Variants in NFXL1 observed in about 807,000 individuals in gnomAD.
NFXL1 encodes nuclear transcription factor, X-box binding like 1, also known as NF-X1-type zinc finger protein NFXL1.
A neutral mutation model predicts 123.3 loss-of-function variants in NFXL1; 66 were observed. The ratio of observed to expected loss-of-function variants is 0.54; its 90% CI spans 0.44 to 0.66. NFXL1 has a LOEUF of 0.66. NFXL1 is among the 30% of genes least tolerant of loss of function. The pLI is 0.00. For missense variants in NFXL1, 944 were observed against 1,125.6 expected (o/e 0.84, Z 2.31); for synonymous variants, 346 against 360.8 (o/e 0.96, Z 0.46).
chr4:47,885,614 A>G lies in NFXL1; in HGVS notation c.1708T>C (p.Cys570Arg). 1.2e-6 allele frequency: 2 copies of G among 1,613,970 alleles called. No homozygotes were observed. Among genetic ancestry groups the G allele is most frequent in the Non-Finnish European group, 1.7e-6 (2 of 1,179,816 alleles). ...CHHTSQEKHR[C>R]HFGSCPPCHQ... ...CATGGTGGACAAGAACCAAAGTGAC[A>G]GCGATGTTTTTCTTGACTTGTATGA... The change falls in exon 14 of 23, where the codon TGT becomes CGT. Residue 570 changes from cysteine (C) to arginine (R), a missense_variant. By Grantham distance (180) the Cys-to-Arg change is radical (BLOSUM62 -3). Coordinates refer to ENST00000507489, the MANE Select transcript of NFXL1 (RefSeq NM_001278624.2).
intron 2 of NFXL1, 39 bp from the exon 3 acceptor site, chr4:47,911,033 C>G (rs1334546103): frequency 3.1e-6 from 4 of 1,288,872 alleles, no homozygotes; most frequent in Admixed American, 5.1e-5. Flanking sequence ...GCAAAACAAT[C>G]TCTCAAAAAG....
In NFXL1 at chr4:47,903,283, G is replaced by A. The variant is rs1361128228; in HGVS notation, c.557C>T (p.Pro186Leu). The change falls in exon 5 of 23, where the codon CCC becomes CTC. Residue 186 changes from proline to leucine, a missense_variant. Pro to Leu is a moderately conservative substitution (Grantham distance 98). This residue lies in a region of NFXL1 where 303 missense variants were observed against 292.1 expected (regional missense o/e 1.04). Transcript: ENST00000507489. ...GTCTTTAGCCCACTTCTGGATACAG[G>A]GCATGTGAAATATACAGAAACATCC... ...CSGCFCIFHM[P>L]CIQKWAKDSQ... 1 of 1,592,672 alleles carries A rather than the reference G, an allele frequency of 6.3e-7. No homozygotes were observed. Among genetic ancestry groups the A allele is most frequent in the Non-Finnish European group, 8.6e-7 (1 of 1,168,796 alleles).
At chr4:47,862,239 A>T (rs2110044086) in intron 19 of NFXL1, among the ~76,000 whole-genome samples, 1 of 152,356 alleles carries the variant, frequency 6.6e-6, no homozygotes, top group East Asian at 1.9e-4. Context: ...TTTGAATAAA[A>T]TGCTTAGACA....
Position 47,913,950 on chromosome 4 carries a change from G to C in NFXL1, c.235+19C>G, listed in dbSNP as rs1442144567. The C allele has an allele frequency of 7.2e-6, 11 of 1,522,514 alleles. No homozygotes were observed. The highest frequency in any genetic ancestry group is 9.8e-6 in the Non-Finnish European group (11 of 1,127,022). The allele number at this position is 1,522,514 out of a possible 1,614,324, so 94.3% of individuals were successfully genotyped here. On this transcript the variant is annotated intron_variant, in intron 2 of 22. Coordinates refer to ENST00000507489, the MANE Select transcript of NFXL1 (RefSeq NM_001278624.2). ...TTAGGAGGCATCCAGGTGAGCACGC[G>C]GGCGGGAGCCATTCTCACCGCTGGC...
intron 3 of NFXL1, among the ~76,000 whole-genome samples, chr4:47,908,164 A>C (rs1365165914): frequency 6.6e-6 from 1 of 152,220 alleles, no homozygotes; most frequent in Non-Finnish European, 1.5e-5. Flanking sequence ...ACAGTGGCTC[A>C]CGCCTGCCAC....
At chr4:47,893,358 T>C (rs1188006663) in intron 11 of NFXL1, among the ~76,000 whole-genome samples, 1 of 151,856 alleles carries the variant, frequency 6.6e-6, no homozygotes, top group East Asian at 1.9e-4. Context: ...CGATGAAAAC[T>C]AGGTTAAGAA....
intron 13 of NFXL1, 99 bp from the exon 14 acceptor site, chr4:47,885,756 G>A (rs980723354): frequency 2.2e-5 from 29 of 1,333,126 alleles, no homozygotes; most frequent in African/African-American, 2.9e-5. Context: ...ATTCCATATA[G>A]AATGAGTATA....
intron 18 of NFXL1, among the ~76,000 whole-genome samples, chr4:47,869,520 T>A (rs1183750946): frequency 1.3e-5 from 2 of 152,254 alleles, no homozygotes; most frequent in East Asian, 3.9e-4. Context: ...ATCTTGACTA[T>A]AGGAGGAAGT....
intron 19 of NFXL1, among the ~76,000 whole-genome samples, chr4:47,855,415 C>T (rs1734353168): frequency 6.6e-6 from 1 of 151,606 alleles, no homozygotes; most frequent in African/African-American, 2.4e-5. Flanking sequence ...GTACATCTTA[C>T]AGCCACCCTT....
intron 15 of NFXL1, 89 bp from the exon 16 acceptor site, chr4:47,879,206 AT>A (rs541897814): frequency 7.5e-5 from 39 of 523,150 alleles, no homozygotes; most frequent in African/African-American, 5.4e-4. Flanking sequence ...CATTAAAAAA[AT>A]AAATACATAT....
rs1737418712 is a variant in NFXL1 at position 47,903,117 on chromosome 4, C to T, written c.647+76G>A. The T allele has an allele frequency of 5.9e-6, 6 of 1,018,742 alleles. No individual in the cohort carries two copies. In the South Asian group the frequency reaches 1.1e-4, roughly 19 times the overall value. 63.1% of individuals were successfully genotyped at this position (1,018,742 alleles called of 1,614,324 possible). On this transcript the variant is annotated intron_variant, in intron 5 of 22. Transcript: ENST00000507489. The stretch of plus-strand genomic sequence containing the variant: ...TTGCAGTGAGCCAAGATCGCCACTG[C>T]ACTCCAGCCTGCGTGACAAGAGCAA...
intron 18 of NFXL1, among the ~76,000 whole-genome samples, chr4:47,870,015 G>A (rs2110057752): frequency 6.6e-6 from 1 of 152,082 alleles, no homozygotes; most frequent in African/African-American, 2.4e-5. Context: ...GACCCCATAA[G>A]AGAGAGAAAT....
In NFXL1 at chr4:47,848,132, T is replaced by C. The variant is rs1482791285; in HGVS notation, c.*31A>G. 1 of 1,414,412 alleles carries C rather than the reference T, an allele frequency of 7.1e-7. No homozygotes were observed. Among genetic ancestry groups the C allele is most frequent in the African/African-American group, 1.4e-5 (1 of 69,736 alleles). 87.6% of individuals were successfully genotyped at this position (1,414,412 alleles called of 1,614,324 possible). Reference sequence around the variant, plus strand: ...AATTTAACAACTTATCTAAATCCAATCTGAGTTACATTAAAAGATCAAAAC... The same window carrying C: ...AATTTAACAACTTATCTAAATCCAACCTGAGTTACATTAAAAGATCAAAAC... On this transcript the variant is annotated 3_prime_UTR_variant, in exon 23 of 23. Transcript: ENST00000507489.
At chr4:47,898,195 CATATT>C (rs1737202492) in intron 8 of NFXL1, 114 bp from the exon 9 acceptor site, 1 of 622,040 alleles carries the variant, frequency 1.6e-6, no homozygotes, top group Non-Finnish European at 2.8e-6. Flanking sequence ...TTACGTCCCT[CATATT>C]ATTTTACTTT....
At position 47,914,523 on chromosome 4, in the gene NFXL1, G is replaced by A. The variant is rs1241806950; in HGVS notation, c.-161C>T. 5 of 298,588 alleles carry A rather than the reference G, an allele frequency of 1.7e-5. No individual in the cohort carries two copies. The highest frequency in any genetic ancestry group is 4.8e-5 in the Admixed American group (1 of 20,824). 18.5% of individuals were successfully genotyped at this position (298,588 alleles called of 1,614,324 possible). ...CCGCCTCCTCAGCCTCTGCGGGAGC[G>A]TGGTAGGGGAAGAGTCACAGACTGA... On this transcript the variant is annotated 5_prime_UTR_variant, in exon 1 of 23. The change creates a new upstream start codon in the 5' untranslated region. Coordinates refer to ENST00000507489, the MANE Select transcript of NFXL1 (RefSeq NM_001278624.2).
At chr4:47,893,740 T>C (rs890650473) in intron 11 of NFXL1, among the ~76,000 whole-genome samples, 2 of 151,994 alleles carry the variant, frequency 1.3e-5, no homozygotes, top group Non-Finnish European at 1.5e-5. Context: ...TGTGAATCTA[T>C]ACAAAAAGAT....
At chr4:47,874,069 T>C (rs1484359463) in intron 18 of NFXL1, among the ~76,000 whole-genome samples, 2 of 152,346 alleles carry the variant, frequency 1.3e-5, no homozygotes, top group African/African-American at 4.8e-5. Context: ...TTCACAGAAT[T>C]GAAGAGAGTT....
At chr4:47,899,298 ATTTT>A (rs57320509) in intron 6 of NFXL1, 68 bp downstream of exon 6, 2 of 1,131,538 alleles carry the variant, frequency 1.8e-6, no homozygotes, top group South Asian at 1.8e-5. Flanking sequence ...AACTTTTACA[ATTTT>A]TTTTTTTGCC....
chr4:47,856,244 A>AGCTGTTGT (rs1734404663), intron 19 of NFXL1, among the ~76,000 whole-genome samples: 1 of 152,178 alleles, frequency 6.6e-6, no homozygotes, highest in Non-Finnish European at 1.5e-5. Flanking sequence ...CACATGTAAA[A>AGCTGTTGT]GAGTATTAGT....
Sources: gnomAD v4.1 joint callset for allele counts (sites outside exome capture counted in the v4.1 genomes callset) on GRCh38, gnomAD v4.1.1 for gene constraint, gnomAD v4.1.1 regional missense constraint, MANE v1.5 for transcripts, NCBI Gene and HGNC (gene_info 2026-07-23, HGNC 2026-07-21) for gene names.